Variants in ATG5 observed in about 807,000 individuals in gnomAD.
ATG5 encodes autophagy protein 5.
A neutral mutation model predicts 36.5 loss-of-function variants in ATG5; 14 were observed. That is an observed-to-expected ratio of 0.38 (90% CI 0.25 to 0.60). ATG5 has a LOEUF of 0.60. Ranked by LOEUF, ATG5 falls within the 20% of genes least tolerant of loss-of-function variation. The pLI, the probability that ATG5 is intolerant of heterozygous loss-of-function variation, is 0.60. For synonymous variants in ATG5, 95 were observed against 101.5 expected (o/e 0.94, Z 0.38); for missense variants, 195 against 326.7 (o/e 0.60, Z 3.11).
intron 6 of ATG5, among the ~76,000 whole-genome samples, chr6:106,211,081 T>G (rs574937716): frequency 6.6e-6 from 1 of 152,236 alleles, no homozygotes; most frequent in African/African-American, 2.4e-5. Context: ...ATTAGAAATG[T>G]TGGTTTATTA....
chr6:106,214,740 T>C (rs1340692350), intron 6 of ATG5, among the ~76,000 whole-genome samples: 1 of 152,196 alleles, frequency 6.6e-6, no homozygotes, highest in Non-Finnish European at 1.5e-5. Context: ...TTTGACTGAA[T>C]AACGTGTGGT....
chr6:106,295,791 T>C (rs139609842), intron 3 of ATG5, among the ~76,000 whole-genome samples: 127 of 152,270 alleles, frequency 8.3e-4, no homozygotes, highest in African/African-American at 3.0e-3. Flanking sequence ...CTCAAACTTC[T>C]GGACTCAAGC....
At chr6:106,271,255 A>G (rs1779441773) in intron 5 of ATG5, among the ~76,000 whole-genome samples, 1 of 152,200 alleles carries the variant, frequency 6.6e-6, no homozygotes, top group African/African-American at 2.4e-5. Context: ...AAACATACCT[A>G]TTGTGGACTG....
At chr6:106,279,527 T>G (rs1380372558) in intron 5 of ATG5, 134 bp downstream of exon 5, 6 of 709,802 alleles carry the variant, frequency 8.5e-6, no homozygotes, top group Non-Finnish European at 1.2e-5. Flanking sequence ...AAGTAGCTTC[T>G]GTGCAAATCT....
intron 4 of ATG5, 60 bp from the exon 5 acceptor site, chr6:106,279,883 T>G: frequency 8.7e-7 from 1 of 1,153,276 alleles, no homozygotes; most frequent in Admixed American, 3.0e-5. Context: ...ATTAACCTCT[T>G]AAAAGAGAAC....
At chr6:106,269,668 C>T (rs575555253) in intron 5 of ATG5, among the ~76,000 whole-genome samples, 2 of 152,338 alleles carry the variant, frequency 1.3e-5, no homozygotes, top group East Asian at 3.9e-4. Flanking sequence ...CCTCATTGCC[C>T]GGGGCCGGCA....
intron 6 of ATG5, among the ~76,000 whole-genome samples, chr6:106,211,637 G>A (rs974230128): frequency 1.3e-5 from 2 of 152,170 alleles, no homozygotes; most frequent in African/African-American, 2.4e-5. Context: ...TTGAACCTGG[G>A]AGGCAAAGGT....
intron 6 of ATG5, among the ~76,000 whole-genome samples, chr6:106,220,289 G>A (rs759690096): frequency 1.3e-5 from 2 of 152,060 alleles, no homozygotes; most frequent in African/African-American, 4.8e-5. Flanking sequence ...ACAACAATAC[G>A]TAACTGTACT....
chr6:106,241,874 C>CA, intron 6 of ATG5, among the ~76,000 whole-genome samples: 1 of 152,040 alleles, frequency 6.6e-6, no homozygotes, highest in Non-Finnish European at 1.5e-5. Context: ...GAAGAGCTGC[C>CA]AAAACCAGGA....
intron 5 of ATG5, among the ~76,000 whole-genome samples, chr6:106,275,884 T>G (rs1779624701): frequency 6.6e-6 from 1 of 152,178 alleles, no homozygotes; most frequent in African/African-American, 2.4e-5. Flanking sequence ...GGCCACATAG[T>G]CTCCTCATAA....
chr6:106,229,415 AGAGAGAGAGAGAGACAGAGAG>A (rs1777582313), intron 6 of ATG5, among the ~76,000 whole-genome samples: 1 of 150,374 alleles, frequency 6.7e-6, no homozygotes, highest in African/African-American at 2.4e-5. Context: ...AGACAGAGAC[AGAGAGAGAGAGAGACAGAGAG>A]GAGAGAGAGA....
intron 7 of ATG5, among the ~76,000 whole-genome samples, chr6:106,201,275 A>ATGTG (rs138478446): frequency 0.074 from 11,081 of 149,236 alleles, 428 homozygotes; most frequent in South Asian, 0.12. Context: ...TCAAGTGTAT[A>ATGTG]TGTGTGTGTG....
intron 4 of ATG5, among the ~76,000 whole-genome samples, chr6:106,290,001 CAAATTT>C (rs1385582842): frequency 6.6e-6 from 1 of 151,448 alleles, no homozygotes; most frequent in Non-Finnish European, 1.5e-5. Context: ...AATACTACAC[CAAATTT>C]AACAAGTTCA....
chr6:106,322,906 C>T (rs1771144658), intron 1 of ATG5, among the ~76,000 whole-genome samples: 1 of 152,112 alleles, frequency 6.6e-6, no homozygotes, highest in South Asian at 2.1e-4. Context: ...CTTCCTTCCT[C>T]CTCTCTCCTA....
At chr6:106,244,797 T>C (rs1277667296) in intron 6 of ATG5, among the ~76,000 whole-genome samples, 2 of 152,226 alleles carry the variant, frequency 1.3e-5, no homozygotes, top group East Asian at 1.9e-4. Context: ...AATAAACTTG[T>C]TGAATGAATC....
intron 6 of ATG5, among the ~76,000 whole-genome samples, chr6:106,218,422 G>A (rs766424168): frequency 4.6e-5 from 7 of 152,136 alleles, no homozygotes; most frequent in Admixed American, 3.3e-4. Flanking sequence ...TATTTAACGT[G>A]AACATTTTAA....
intron 1 of ATG5, among the ~76,000 whole-genome samples, chr6:106,320,677 G>A (rs908270913): frequency 1.4e-4 from 21 of 150,224 alleles, no homozygotes; most frequent in Admixed American, 6.6e-5. Context: ...CACATGGTAA[G>A]TGCTAGGAAA....
chr6:106,228,344 C>T (rs1777529756), intron 6 of ATG5, among the ~76,000 whole-genome samples: 1 of 152,156 alleles, frequency 6.6e-6, no homozygotes, highest in Non-Finnish European at 1.5e-5. Flanking sequence ...GCTCCTGATC[C>T]AGTGAGACGC....
At chr6:106,220,888 G>A (rs1224963433) in intron 6 of ATG5, among the ~76,000 whole-genome samples, 1 of 152,156 alleles carries the variant, frequency 6.6e-6, no homozygotes, top group Non-Finnish European at 1.5e-5. Flanking sequence ...TCTGGATGCC[G>A]ACATTCTCTA....
Sources: gnomAD v4.1 joint callset for allele counts (sites outside exome capture counted in the v4.1 genomes callset) on GRCh38, gnomAD v4.1.1 for gene constraint, MANE v1.5 for transcripts, NCBI Gene and HGNC (gene_info 2026-07-23, HGNC 2026-07-21) for gene names.